SDK1: variants seen among roughly 807,000 people sequenced by gnomAD.
SDK1 encodes the protein sidekick cell adhesion molecule 1, also known as protein sidekick-1.
A neutral mutation model predicts 245.5 loss-of-function variants in SDK1; 157 were observed. That is an observed-to-expected ratio of 0.64 (90% CI 0.56 to 0.73). The LOEUF (loss-of-function observed/expected upper bound fraction) is 0.73. Ranked by LOEUF, SDK1 falls within the 30% of genes least tolerant of loss-of-function variation. SDK1 has a pLI of 0.00. For synonymous variants in SDK1, 1,647 were observed against 1,278.5 expected (o/e 1.29, Z -6.15); for missense variants, 3,583 against 3,002.3 (o/e 1.19, Z -4.52).
Position 3,459,047 on chromosome 7 carries a change from T to G in SDK1, c.298+157163T>G, listed in dbSNP as rs113658771. Among the ~76,000 whole-genome samples the G allele has an allele frequency of 8.5e-5, 13 of 152,322 alleles. 4 individuals are homozygous for G. The highest frequency in any genetic ancestry group is 3.1e-4 in the African/African-American group (13 of 41,590). ...CACGTAAACACAGACCAAAAAACTC[T>G]GCTCAGATTTCGAATGAGATTGCAT... is the stretch of plus-strand genomic sequence containing the variant. On this transcript the variant is annotated intron_variant, in intron 1 of 44. Coordinates refer to ENST00000404826, the MANE Select transcript of SDK1 (RefSeq NM_152744.4).
At chr7:3,671,872 T>C (rs1359622474) in intron 4 of SDK1, among the ~76,000 whole-genome samples, 1 of 152,182 alleles carries the variant, frequency 6.6e-6, no homozygotes, top group East Asian at 1.9e-4. Flanking sequence ...TCTGTGAGAT[T>C]GGGCAGGTTT....
At chr7:3,651,333 T>C (rs554178106) in intron 4 of SDK1, among the ~76,000 whole-genome samples, 7 of 152,268 alleles carry the variant, frequency 4.6e-5, no homozygotes, top group Non-Finnish European at 8.8e-5. Context: ...TAATGGCTAA[T>C]GATGTTGAAC....
chr7:3,729,669 G>C (rs1779118529), intron 4 of SDK1, among the ~76,000 whole-genome samples: 1 of 152,120 alleles, frequency 6.6e-6, no homozygotes, highest in Non-Finnish European at 1.5e-5. Flanking sequence ...AATTTTGTTA[G>C]ATCATCCCAG....
intron 25 of SDK1, among the ~76,000 whole-genome samples, chr7:4,118,554 G>A (rs1015676192): frequency 2.0e-5 from 3 of 152,140 alleles, no homozygotes; most frequent in African/African-American, 4.8e-5. Context: ...GTCACCATAC[G>A]ACAAAGCAAC....
chr7:3,618,928 T>G, intron 1 of SDK1, 152 bp from the exon 2 acceptor site: 1 of 596,416 alleles, frequency 1.7e-6, no homozygotes, highest in Non-Finnish European at 2.8e-6. Flanking sequence ...TTCCAGGGTT[T>G]GGTAAAGGAT....
intron 22 of SDK1, among the ~76,000 whole-genome samples, chr7:4,085,729 A>T (rs922199416): frequency 6.6e-6 from 1 of 151,758 alleles, no homozygotes; most frequent in Non-Finnish European, 1.5e-5. Flanking sequence ...TAATTTTTGT[A>T]TTTTTAGTAG....
intron 10 of SDK1, among the ~76,000 whole-genome samples, chr7:3,968,988 A>G (rs968689): frequency 0.44 from 66,291 of 152,072 alleles, 16,863 homozygotes; most frequent in African/African-American, 0.72. Flanking sequence ...AGAGAGAGAA[A>G]GAGCAAAGGG....
intron 22 of SDK1, 152 bp from the exon 23 acceptor site, chr7:4,110,511 G>A: frequency 1.6e-6 from 1 of 625,626 alleles, no homozygotes; most frequent in Non-Finnish European, 2.9e-6. Context: ...CAAGGCACAA[G>A]AGGGGGTTGT....
chr7:3,687,935 C>G (rs767471782), intron 4 of SDK1, among the ~76,000 whole-genome samples: 1 of 152,152 alleles, frequency 6.6e-6, no homozygotes, highest in Non-Finnish European at 1.5e-5. Flanking sequence ...TCTGTGTTAT[C>G]TCAAGAGCTT....
intron 4 of SDK1, among the ~76,000 whole-genome samples, chr7:3,642,447 T>TAATGAGTG (rs139034205): frequency 2.6e-4 from 39 of 152,334 alleles, no homozygotes; most frequent in African/African-American, 9.4e-4. Flanking sequence ...AGTACTAATT[T>TAATGAGTG]AATGAGTGCT....
intron 1 of SDK1, among the ~76,000 whole-genome samples, chr7:3,527,025 A>G (rs1405781343): frequency 1.3e-5 from 2 of 152,278 alleles, no homozygotes; most frequent in African/African-American, 4.8e-5. Flanking sequence ...TCTATTATTA[A>G]TGATGCATTT....
intron 4 of SDK1, among the ~76,000 whole-genome samples, chr7:3,759,748 T>G (rs1455031206): frequency 6.6e-6 from 1 of 151,960 alleles, no homozygotes; most frequent in East Asian, 1.9e-4. Context: ...CATGCCACCA[T>G]GCCTGGCTAA....
intron 1 of SDK1, among the ~76,000 whole-genome samples, chr7:3,372,712 C>T (rs1044387560): frequency 3.9e-5 from 6 of 152,136 alleles, no homozygotes; most frequent in South Asian, 2.1e-4. Context: ...TGACTACATC[C>T]TTAGTGATCC....
At chr7:3,946,064 C>T (rs1458366698) in intron 5 of SDK1, among the ~76,000 whole-genome samples, 2 of 151,312 alleles carry the variant, frequency 1.3e-5, no homozygotes, top group Non-Finnish European at 2.9e-5. Context: ...ACACAGAAAA[C>T]AGAGGGGAGA....
chr7:3,951,128 C>G, intron 6 of SDK1, 94 bp downstream of exon 6: 1 of 939,438 alleles, frequency 1.1e-6, no homozygotes, highest in Non-Finnish European at 1.7e-6. Flanking sequence ...TGAGGTTCAG[C>G]CTTCTAGCGA....
At chr7:3,460,288 C>T (rs967086243) in intron 1 of SDK1, among the ~76,000 whole-genome samples, 2 of 152,142 alleles carry the variant, frequency 1.3e-5, no homozygotes, top group Non-Finnish European at 2.9e-5. Flanking sequence ...TTATGCCTTT[C>T]ATAAGGATGC....
At chr7:3,491,914 T>C (rs998421456) in intron 1 of SDK1, among the ~76,000 whole-genome samples, 4 of 152,210 alleles carry the variant, frequency 2.6e-5, no homozygotes, top group African/African-American at 7.2e-5. Flanking sequence ...AACAGTATAT[T>C]GATGACCACT....
At chr7:3,427,494 G>C (rs1044405969) in intron 1 of SDK1, among the ~76,000 whole-genome samples, 1 of 149,398 alleles carries the variant, frequency 6.7e-6, no homozygotes, top group Non-Finnish European at 1.5e-5. Context: ...ACTGCAGCCT[G>C]GGTGAGAAGA....
chr7:4,018,175 T>G (rs1239786815), intron 17 of SDK1, among the ~76,000 whole-genome samples: 1 of 152,236 alleles, frequency 6.6e-6, no homozygotes, highest in African/African-American at 2.4e-5. Context: ...CCTTTTTCAC[T>G]CTGCGATTTA....
Sources: gnomAD v4.1 joint callset for allele counts (sites outside exome capture counted in the v4.1 genomes callset) on GRCh38, gnomAD v4.1.1 for gene constraint, MANE v1.5 for transcripts, NCBI Gene and HGNC (gene_info 2026-07-23, HGNC 2026-07-21) for gene names.